Variants in GABRA1 observed in about 807,000 individuals in gnomAD.
The protein encoded by GABRA1 is gamma-aminobutyric acid type A receptor subunit alpha1, also known as gamma-aminobutyric acid receptor subunit alpha-1.
In GABRA1, 9 loss-of-function variants were observed where a neutral mutation model predicts 48.9. That is an observed-to-expected ratio of 0.18 (90% CI 0.11 to 0.32). The LOEUF (loss-of-function observed/expected upper bound fraction) is 0.32. Ranked by LOEUF, GABRA1 falls within the 10% of genes least tolerant of loss-of-function variation. The pLI is 1.00. For synonymous variants in GABRA1, 210 were observed against 198.7 expected (o/e 1.06, Z -0.48); for missense variants, 285 against 553.8 (o/e 0.51, Z 4.87).
intron 3 of GABRA1, among the ~76,000 whole-genome samples, chr5:161,865,425 C>A (rs1422220750): frequency 6.6e-6 from 1 of 152,072 alleles, no homozygotes; most frequent in African/African-American, 2.4e-5. Flanking sequence ...CAATGTGAAG[C>A]AGTTTAGTAT....
At chr5:161,888,663 A>T (rs911572860) in intron 7 of GABRA1, among the ~76,000 whole-genome samples, 1 of 152,012 alleles carries the variant, frequency 6.6e-6, no homozygotes, top group African/African-American at 2.4e-5. Flanking sequence ...CATGCCCCTG[A>T]GATGGTGAAG....
intron 9 of GABRA1, among the ~76,000 whole-genome samples, chr5:161,896,396 G>C (rs556972071): frequency 1.3e-5 from 2 of 152,194 alleles, no homozygotes; most frequent in South Asian, 4.1e-4. Flanking sequence ...ATGCTTTAGG[G>C]ATCATAACAC....
intron 2 of GABRA1, among the ~76,000 whole-genome samples, chr5:161,853,456 C>T (rs1476606362): frequency 1.3e-5 from 2 of 151,884 alleles, no homozygotes; most frequent in African/African-American, 4.8e-5. Context: ...AACTGTGCTA[C>T]AGCTTAGTCA....
Position 161,895,125 on chromosome 5 carries a change from T to A in GABRA1, c.857-541T>A, listed in dbSNP as rs968081159. On this transcript the variant is annotated intron_variant, in intron 8 of 9. Coordinates refer to ENST00000393943, the MANE Select transcript of GABRA1 (RefSeq NM_001127644.2). ...TTAGGAATTTCTTTAAAAATGTAGC[T>A]ATTTTTGAATCAGGAAAGATAGTGT... Among the ~76,000 whole-genome samples the A allele has an allele frequency of 2.0e-5, 3 of 152,274 alleles. No individual in the cohort carries two copies. The South Asian group carries it at 6.2e-4, about 32-fold the overall frequency.
At chr5:161,870,946 CTGTGTGTG>C (rs59726286) in intron 4 of GABRA1, among the ~76,000 whole-genome samples, 10,120 of 141,354 alleles carry the variant, frequency 0.072, 359 homozygotes, top group South Asian at 0.1. Context: ...GAGTGTTGCT[CTGTGTGTG>C]TGTGTGTGTG....
chr5:161,893,171 T>C (rs1390515584), intron 8 of GABRA1, among the ~76,000 whole-genome samples: 1 of 151,994 alleles, frequency 6.6e-6, no homozygotes, highest in East Asian at 1.9e-4. Flanking sequence ...TTCTACTCTT[T>C]TGATTTGAAA....
chr5:161,860,482 G>A (rs1757808290), intron 3 of GABRA1, among the ~76,000 whole-genome samples: 1 of 151,338 alleles, frequency 6.6e-6, no homozygotes, highest in Non-Finnish European at 1.5e-5. Flanking sequence ...AGGCAGGGTA[G>A]GGTAATGGGG....
At chr5:161,867,194 T>C (rs1753905816) in intron 4 of GABRA1, among the ~76,000 whole-genome samples, 1 of 152,192 alleles carries the variant, frequency 6.6e-6, no homozygotes, top group African/African-American at 2.4e-5. Context: ...TTTTACTAAA[T>C]TGACAACTCT....
rs1234317269 is a variant in GABRA1 at position 161,854,771 on chromosome 5, G to A, written c.187+501G>A. ...GATGGTAGTGTTGTGGTTTAACTGTGCATTTGAACTTATACCCTAATTTTC... is the reference window on the plus strand; with the variant it reads ...GATGGTAGTGTTGTGGTTTAACTGTACATTTGAACTTATACCCTAATTTTC... On this transcript the variant is annotated intron_variant, in intron 3 of 9. Coordinates refer to ENST00000393943, the MANE Select transcript of GABRA1 (RefSeq NM_001127644.2). Among the ~76,000 whole-genome samples, 19 of 151,560 alleles carry A rather than the reference G, an allele frequency of 1.3e-4. No homozygotes were observed. In the Admixed American group the frequency reaches 1.3e-3, roughly 10 times the overall value.
chr5:161,897,001 T>C, intron 9 of GABRA1, 110 bp from the exon 10 acceptor site: 1 of 922,306 alleles, frequency 1.1e-6, no homozygotes, highest in Non-Finnish European at 1.7e-6. Flanking sequence ...TTTAAATTCC[T>C]AAATAAGGCA....
At chr5:161,850,766 A>T (rs763132854) in intron 1 of GABRA1, 30 bp from the exon 2 acceptor site, 6 of 1,569,254 alleles carry the variant, frequency 3.8e-6, no homozygotes, top group Admixed American at 3.3e-5. Flanking sequence ...CTTGCTAGAG[A>T]CATTGATCTC....
intron 9 of GABRA1, 78 bp downstream of exon 9, chr5:161,895,946 G>T: frequency 8.6e-7 from 1 of 1,156,452 alleles, no homozygotes; most frequent in Non-Finnish European, 1.3e-6. Flanking sequence ...TTTGGCCTGT[G>T]GTATTGGATG....
chr5:161,852,484 G>C (rs551487313), intron 2 of GABRA1, among the ~76,000 whole-genome samples: 90 of 152,012 alleles, frequency 5.9e-4, no homozygotes, highest in African/African-American at 2.1e-3. Flanking sequence ...TCTTTATCAA[G>C]ATGACCTTCC....
At chr5:161,862,642 C>T (rs924587984) in intron 3 of GABRA1, among the ~76,000 whole-genome samples, 3 of 151,878 alleles carry the variant, frequency 2.0e-5, no homozygotes, top group African/African-American at 7.2e-5. Flanking sequence ...TGGTTTGCTA[C>T]AGAGGAACAG....
intron 3 of GABRA1, among the ~76,000 whole-genome samples, chr5:161,859,381 A>G (rs1436891958): frequency 6.6e-6 from 1 of 151,760 alleles, no homozygotes; most frequent in Non-Finnish European, 1.5e-5. Context: ...CTCCTAATGC[A>G]AGGCAGCTGG....
intron 7 of GABRA1, 48 bp downstream of exon 7, chr5:161,882,749 T>G (rs1198612208): frequency 6.4e-7 from 1 of 1,558,922 alleles, no homozygotes; most frequent in Admixed American, 1.7e-5. Context: ...AGAAGAATAA[T>G]ATTTTGTGAG....
intron 6 of GABRA1, among the ~76,000 whole-genome samples, chr5:161,877,831 C>T (rs1754428623): frequency 6.6e-6 from 1 of 152,116 alleles, no homozygotes; most frequent in Admixed American, 6.6e-5. Flanking sequence ...ATGCTCTTTT[C>T]TTTGCTTGGA....
chr5:161,868,041 T>C lies in GABRA1; in HGVS notation c.255+2253T>C, dbSNP rs550808718. Among the ~76,000 whole-genome samples the C allele has an allele frequency of 1.1e-4, 16 of 148,782 alleles. No homozygotes were observed. In the South Asian group the frequency reaches 3.4e-3, roughly 32 times the overall value. On this transcript the variant is annotated intron_variant, in intron 4 of 9. Transcript: ENST00000393943. ...TCTTGGTGATAGGTTTAGGAGCCTA[T>C]AATATTAAAAAAAAAATGAGGTCTT...
chr5:161,891,118 C>A (rs1554087163), intron 8 of GABRA1, 68 bp downstream of exon 8: 2 of 1,417,256 alleles, frequency 1.4e-6, no homozygotes, highest in South Asian at 2.3e-5. Flanking sequence ...ATCTGTGACA[C>A]TGCAAAGAGA....
Sources: allele counts gnomAD v4.1 joint callset (sites outside exome capture counted in the v4.1 genomes callset), GRCh38; gene constraint gnomAD v4.1.1; transcripts MANE v1.5; gene names NCBI Gene and HGNC (gene_info 2026-07-23, HGNC 2026-07-21).